SCAF1: variants seen among roughly 807,000 people sequenced by gnomAD.
SCAF1 encodes splicing factor, arginine/serine-rich 19.
Under a neutral mutation model 91.2 loss-of-function variants are expected in SCAF1, and 28 were observed. That is an observed-to-expected ratio of 0.31 (90% CI 0.23 to 0.42). The LOEUF (loss-of-function observed/expected upper bound fraction) is 0.42. SCAF1 is among the 10% of genes least tolerant of loss of function. The pLI is 1.00. For missense variants in SCAF1, 1,893 were observed against 1,872.1 expected (o/e 1.01, Z -0.21); for synonymous variants, 1,036 against 833.7 (o/e 1.24, Z -4.18).
chr19:49,645,610 G>C lies in SCAF1; in HGVS notation c.166+199G>C, dbSNP rs906994015. On this transcript the variant is annotated intron_variant, in intron 3 of 10. Coordinates refer to ENST00000360565, the MANE Select transcript of SCAF1 (RefSeq NM_021228.3). The surrounding 1 kb of genome is among the most constrained non-coding windows in gnomAD (Gnocchi z 4.6). ...AAGGGAGACAGGCACAGTGCTGGGA[G>C]AGGGCAGGAGGCCCACTTGAGCTAG... Among the ~76,000 whole-genome samples the C allele has an allele frequency of 3.9e-5, 6 of 152,210 alleles. No individual in the cohort carries two copies. Among genetic ancestry groups the C allele is most frequent in the African/African-American group, 1.2e-4 (5 of 41,458 alleles).
In SCAF1 at chr19:49,645,285, C is replaced by T. The variant is rs2081048261; in HGVS notation, c.109-69C>T. 2.5e-6 allele frequency: 4 copies of T among 1,575,816 alleles called. No individual in the cohort carries two copies. Among genetic ancestry groups the T allele is most frequent in the South Asian group, 1.1e-5 (1 of 90,214 alleles). ...CTGTCAGTGTCTGGGATGTCTGTCT[C>T]CCAAGGGGCAGAGGTTGCAAAGCAT... is the stretch of plus-strand genomic sequence containing the variant. On this transcript the variant is annotated intron_variant, in intron 2 of 10. Coordinates refer to ENST00000360565, the MANE Select transcript of SCAF1 (RefSeq NM_021228.3). The surrounding 1 kb of genome is among the most constrained non-coding windows in gnomAD (Gnocchi z 4.6).
At position 49,653,250 on chromosome 19, in the gene SCAF1, C is replaced by T; in HGVS notation, c.2861C>T (p.Ala954Val). ...KSKADSCSQAAGTKGAEETSW... is the reference protein window; with the variant it reads ...KSKADSCSQAVGTKGAEETSW... ...AAGGCGGATAGCTGCAGCCAGGCGG[C>T]AGGCACCAAGGGGGCGGAGGAGACT... Residue 954 changes from alanine (A) to valine (V), a missense_variant, in exon 7 of 11, where the codon GCA becomes GTA. By Grantham distance (64) the Ala-to-Val change is moderately conservative. This residue lies in a region of SCAF1 where 1,436 missense variants were observed against 1,306.8 expected (regional missense o/e 1.10). Transcript: ENST00000360565. 6.7e-7 allele frequency: 1 copy of T among 1,491,944 alleles called. No individual in the cohort carries two copies. The highest frequency in any genetic ancestry group is 8.9e-7 in the Non-Finnish European group (1 of 1,119,142). 92.4% of individuals were successfully genotyped at this position (1,491,944 alleles called of 1,614,324 possible). A position where few individuals can be genotyped will look rare whatever the true frequency, so the allele number is the denominator to read the frequency against.
Position 49,645,428 on chromosome 19 carries a change from T to A in SCAF1, c.166+17T>A, listed in dbSNP as rs758133736. 2 of 1,611,248 alleles carry A rather than the reference T, an allele frequency of 1.2e-6. No homozygotes were observed. The highest frequency in any genetic ancestry group is 8.5e-7 in the Non-Finnish European group (1 of 1,178,770). ...ATGATAAAGGTATGGCGGCTTCCGGTTCCTTTTAGCCCCTGCCCCCTCTCT... is the reference window on the plus strand; with the variant it reads ...ATGATAAAGGTATGGCGGCTTCCGGATCCTTTTAGCCCCTGCCCCCTCTCT... On this transcript the variant is annotated intron_variant, in intron 3 of 10. Coordinates refer to ENST00000360565, the MANE Select transcript of SCAF1 (RefSeq NM_021228.3). The surrounding 1 kb of genome is among the most constrained non-coding windows in gnomAD (Gnocchi z 4.6).
chr19:49,657,788 C>A lies in SCAF1; in HGVS notation c.3646C>A (p.Arg1216=). The change falls in exon 10 of 11, where the codon CGG becomes AGG. Residue 1216 remains arginine, a synonymous_variant. Transcript: ENST00000360565. ...KYLKKLHTQE[R]AVEEVKLAIK... ...TCTGAAGAAGCTGCACACGCAGGAG[C>A]GGGCGGTGGAGGAGGTGAAGCTGGC... 1 of 1,604,400 alleles carries A rather than the reference C, an allele frequency of 6.2e-7. No individual in the cohort carries two copies. Among genetic ancestry groups the A allele is most frequent in the Non-Finnish European group, 8.5e-7 (1 of 1,175,312 alleles).
intron 7 of SCAF1, among the ~76,000 whole-genome samples, 179 bp from the exon 8 acceptor site, chr19:49,654,170 C>T (rs1055074227): frequency 2.0e-5 from 3 of 152,160 alleles, no homozygotes; most frequent in Admixed American, 6.5e-5. Flanking sequence ...CAAGAACATT[C>T]GTGGTATGGG....
intron 6 of SCAF1, among the ~76,000 whole-genome samples, chr19:49,650,005 CT>C (rs2081076232): frequency 1.3e-5 from 2 of 152,338 alleles, no homozygotes; most frequent in East Asian, 3.9e-4. Context: ...GGTGTGGCCT[CT>C]GTCAGCCATC....
upstream of SCAF1, among the ~76,000 whole-genome samples, chr19:49,641,618 A>G (rs2081026535): frequency 6.6e-6 from 1 of 152,000 alleles, no homozygotes; most frequent in African/African-American, 2.4e-5. Context: ...CGCCTGGCCT[A>G]TTTTTATTTT....
In SCAF1 at chr19:49,658,512, A is replaced by G; in HGVS notation, c.*113A>G. ...GGGATGACTGGGGGAGGGTTGCTGC[A>G]GGGAAGAGGAGAGCCCCCTGCCCTG... On this transcript the variant is annotated 3_prime_UTR_variant, in exon 11 of 11. Transcript: ENST00000360565. 1.5e-6 allele frequency: 1 copy of G among 663,196 alleles called. No individual in the cohort carries two copies. Among genetic ancestry groups the G allele is most frequent in the Non-Finnish European group, 2.6e-6 (1 of 389,662 alleles). 41.1% of individuals were successfully genotyped at this position (663,196 alleles called of 1,614,324 possible).
chr19:49,654,851 G>A lies in SCAF1; in HGVS notation c.3599G>A (p.Gly1200Asp). 1 of 1,602,724 alleles carries A rather than the reference G, an allele frequency of 6.2e-7. No homozygotes were observed. Among genetic ancestry groups the A allele is most frequent in the Non-Finnish European group, 8.5e-7 (1 of 1,172,956 alleles). The change falls in exon 9 of 11, where the codon GGC (glycine) becomes GAC (aspartate). Residue 1200 changes from glycine to aspartate, a missense_variant. Around this residue, in one of 5 missense-constraint regions of SCAF1, gnomAD observed 56 missense variants for 106.3 expected, o/e 0.53. Transcript: ENST00000360565. ...DKREGSSSSEGRGDTDKYLKK... is the reference protein window; with the variant it reads ...DKREGSSSSEDRGDTDKYLKK... ...AGAGAGGGCAGCAGCAGCTCTGAGGGCCGTGGGGACACAGATAAGGTGAGC... is the reference window on the plus strand; with the variant it reads ...AGAGAGGGCAGCAGCAGCTCTGAGGACCGTGGGGACACAGATAAGGTGAGC...
intron 6 of SCAF1, among the ~76,000 whole-genome samples, chr19:49,648,126 G>A (rs1332359974): frequency 6.8e-6 from 1 of 147,136 alleles, no homozygotes; most frequent in African/African-American, 2.6e-5. Context: ...TTCTTTTTTT[G>A]AGATGGAGTC....
At position 49,653,479 on chromosome 19, in the gene SCAF1, GGAGGAGGAAGAGGAA is replaced by G. The variant is rs2081117355; in HGVS notation, c.3099_3113del (p.Glu1035_Glu1039del). ...AGGAGGAGGAGGAGGAAGAAGAAGA[GGAGGAGGAAGAGGAA>G]GAGGAGGAGGAGCAGCAGCCTGCTA... On this transcript the variant is annotated inframe_deletion, in exon 7 of 11. Transcript: ENST00000360565. 1 of 1,558,308 alleles carries G rather than the reference GGAGGAGGAAGAGGAA, an allele frequency of 6.4e-7. No homozygotes were observed. The highest frequency in any genetic ancestry group is 8.7e-7 in the Non-Finnish European group (1 of 1,154,784).
chr19:49,652,150 G>A lies in SCAF1; in HGVS notation c.1761G>A (p.Ser587=). The change falls in exon 7 of 11, where the codon TCG becomes TCA. Residue 587 remains serine, a synonymous_variant. Coordinates refer to ENST00000360565, the MANE Select transcript of SCAF1 (RefSeq NM_021228.3). ...GCTCCCGCTCCACCCGCCGCCGCTC[G>A]CGCAGCACCGACCGCCGCCGCGGGG... ...RSRSRSTRRR[S]RSTDRRRGGS... is the part of the protein sequence containing the mutation. The A allele has an allele frequency of 9.2e-7, 1 of 1,087,980 alleles. No individual in the cohort carries two copies. Among genetic ancestry groups the A allele is most frequent in the Non-Finnish European group, 1.1e-6 (1 of 892,566 alleles). 67.4% of individuals were successfully genotyped at this position (1,087,980 alleles called of 1,614,324 possible).
In SCAF1 at chr19:49,653,096, A is replaced by C. The variant is rs780487991; in HGVS notation, c.2707A>C (p.Lys903Gln). ...GSTKPKKTKVKAKAGAKKTKG... is the reference protein window; with the variant it reads ...GSTKPKKTKVQAKAGAKKTKG... Reference sequence around the variant, plus strand: ...CACCAAGCCCAAAAAGACCAAGGTCAAGGCCAAGGCAGGGGCCAAGAAAAC... The same window carrying C: ...CACCAAGCCCAAAAAGACCAAGGTCCAGGCCAAGGCAGGGGCCAAGAAAAC... The change falls in exon 7 of 11, where the codon AAG (lysine) becomes CAG (glutamine). Residue 903 changes from lysine (K) to glutamine (Q), a missense_variant. By Grantham distance (53) the Lys-to-Gln change is moderately conservative. Transcript: ENST00000360565. 5.6e-6 allele frequency: 9 copies of C among 1,612,760 alleles called. No homozygotes were observed. The highest frequency in any genetic ancestry group is 7.6e-6 in the Non-Finnish European group (9 of 1,179,426).
chr19:49,646,774 C>G lies in SCAF1; in HGVS notation c.422C>G (p.Pro141Arg). ...EVRIGDRDPI[P>R]LPVPSLLPRL... ...CGAATCGGGGACAGAGATCCCATCC[C>G]TCTGCCTGTGCCCAGCCTGCTGCCC... is the stretch of plus-strand genomic sequence containing the variant. The change falls in exon 6 of 11, where the codon CCT becomes CGT. Residue 141 changes from proline (P) to arginine (R), a missense_variant. Around this residue, in one of 5 missense-constraint regions of SCAF1, gnomAD observed 270 missense variants for 292.5 expected, o/e 0.92. Coordinates refer to ENST00000360565, the MANE Select transcript of SCAF1 (RefSeq NM_021228.3). The surrounding 1 kb of genome is among the most constrained non-coding windows in gnomAD (Gnocchi z 5.6). 6.2e-7 allele frequency: 1 copy of G among 1,613,886 alleles called. No individual in the cohort carries two copies.
At position 49,652,949 on chromosome 19, in the gene SCAF1, G is replaced by A. The variant is rs746385981; in HGVS notation, c.2560G>A (p.Ala854Thr). The change falls in exon 7 of 11, where the codon GCC (alanine) becomes ACC (threonine). Residue 854 changes from alanine to threonine, a missense_variant. By Grantham distance (58) the Ala-to-Thr change is moderately conservative (BLOSUM62 0). Transcript: ENST00000360565. ...GVSSTTPAKDAASAGLGSIGV... is the reference protein window; with the variant it reads ...GVSSTTPAKDTASAGLGSIGV... ...CAGCAGCACCACCCCGGCCAAGGAT[G>A]CCGCGTCAGCCGGCCTGGGCTCCAT... is the stretch of plus-strand genomic sequence containing the variant. 4 of 1,613,728 alleles carry A rather than the reference G, an allele frequency of 2.5e-6. No homozygotes were observed. Among genetic ancestry groups the A allele is most frequent in the Non-Finnish European group, 8.5e-7 (1 of 1,179,970 alleles).
chr19:49,640,555 G>A (rs1471340152), upstream of SCAF1, among the ~76,000 whole-genome samples: 1 of 152,136 alleles, frequency 6.6e-6, no homozygotes, highest in East Asian at 1.9e-4. Flanking sequence ...TCGCGCGCGC[G>A]GCCGTATATA....
At chr19:49,653,891 C>T (rs1021552226) in intron 7 of SCAF1, among the ~76,000 whole-genome samples, 186 bp downstream of exon 7, 25 of 152,034 alleles carry the variant, frequency 1.6e-4, no homozygotes, top group East Asian at 7.7e-4. Flanking sequence ...AGAGAGGGGC[C>T]GGTGAGAGCA....
At chr19:49,643,551 C>T (rs1012933937) in intron 1 of SCAF1, among the ~76,000 whole-genome samples, 2 of 152,192 alleles carry the variant, frequency 1.3e-5, no homozygotes, top group Non-Finnish European at 2.9e-5. Context: ...TTCTTCTGTT[C>T]AGAAGATCTC....
rs111256770 is a variant in SCAF1 at position 49,653,367 on chromosome 19, A to G, written c.2978A>G (p.Gln993Arg). 1.3e-6 allele frequency: 2 copies of G among 1,505,656 alleles called. No individual in the cohort carries two copies. Among genetic ancestry groups the G allele is most frequent in the Non-Finnish European group, 1.8e-6 (2 of 1,125,094 alleles). The allele number at this position is 1,505,656 out of a possible 1,614,324, so 93.3% of individuals were successfully genotyped here. A position where few individuals can be genotyped will look rare whatever the true frequency, so the allele number is the denominator to read the frequency against. The change falls in exon 7 of 11, where the codon CAG becomes CGG. Residue 993 changes from glutamine (Q) to arginine (R), a missense_variant. Gln to Arg is a conservative substitution (Grantham distance 43). Coordinates refer to ENST00000360565, the MANE Select transcript of SCAF1 (RefSeq NM_021228.3). ...PPPPALTPDS[Q>R]TVDSSCKTPE... ...CCCCCTGCCCTCACTCCGGACTCGC[A>G]GACCGTGGACAGCAGCTGCAAGACA...
Sources: allele counts gnomAD v4.1 joint callset (sites outside exome capture counted in the v4.1 genomes callset), GRCh38; gene constraint gnomAD v4.1.1; regional missense constraint gnomAD v4.1.1; non-coding constraint Gnocchi (gnomAD v3.1); transcripts MANE v1.5; gene names NCBI Gene and HGNC (gene_info 2026-07-23, HGNC 2026-07-21).